The following PTPRD variants were observed in gnomAD, a reference collection of about 807,000 sequenced individuals.
The protein encoded by PTPRD is protein tyrosine phosphatase receptor type D.
Under a neutral mutation model 214.5 loss-of-function variants are expected in PTPRD, and 34 were observed. That is an observed-to-expected ratio of 0.16 (90% CI 0.12 to 0.21). PTPRD has a LOEUF of 0.21. Among genes scored for constraint, PTPRD ranks in the 10% least tolerant of loss-of-function variants. The pLI, the probability that PTPRD is intolerant of heterozygous loss-of-function variation, is 1.00. For synonymous variants in PTPRD, 1,128 were observed against 845.7 expected (o/e 1.33, Z -5.79); for missense variants, 2,545 against 2,398.7 (o/e 1.06, Z -1.27).
At chr9:9,709,948 T>C (rs534208555) in intron 7 of PTPRD, among the ~76,000 whole-genome samples, 1 of 152,084 alleles carries the variant, frequency 6.6e-6, no homozygotes, top group Admixed American at 6.5e-5. Flanking sequence ...TATGTAAATA[T>C]ATACAAAATT....
intron 4 of PTPRD, among the ~76,000 whole-genome samples, chr9:10,012,207 C>T (rs951535803): frequency 6.6e-6 from 1 of 151,476 alleles, no homozygotes; most frequent in Non-Finnish European, 1.5e-5. Context: ...AAAAAAGTAC[C>T]TCATAGAATA....
intron 3 of PTPRD, among the ~76,000 whole-genome samples, chr9:10,113,422 G>A (rs2098707072): frequency 6.6e-6 from 1 of 152,132 alleles, no homozygotes; most frequent in Non-Finnish European, 1.5e-5. Flanking sequence ...ATACAGATGA[G>A]TTGTTAAAAC....
intron 8 of PTPRD, among the ~76,000 whole-genome samples, chr9:9,527,113 T>A (rs2074307082): frequency 6.6e-6 from 1 of 152,176 alleles, no homozygotes. Flanking sequence ...TATATATGGA[T>A]GTGAGTGTCT....
chr9:9,285,858 C>A (rs1261380212), intron 9 of PTPRD, among the ~76,000 whole-genome samples: 1 of 151,728 alleles, frequency 6.6e-6, no homozygotes, highest in Non-Finnish European at 1.5e-5. Flanking sequence ...TCTGAAAGCT[C>A]TATATCTATC....
At chr9:9,007,786 TC>T (rs1286055883) in intron 11 of PTPRD, among the ~76,000 whole-genome samples, 1 of 149,240 alleles carries the variant, frequency 6.7e-6, no homozygotes, top group Non-Finnish European at 1.5e-5. Flanking sequence ...AGCATATCTT[TC>T]AGTTGTTTCT....
intron 7 of PTPRD, among the ~76,000 whole-genome samples, chr9:9,699,954 T>C (rs182063765): frequency 8.2e-4 from 125 of 152,290 alleles, no homozygotes; most frequent in African/African-American, 2.6e-3. Context: ...TATGCATTCC[T>C]CAGAATTATT....
chr9:10,204,269 T>A (rs2099453972), intron 3 of PTPRD, among the ~76,000 whole-genome samples: 2 of 152,212 alleles, frequency 1.3e-5, no homozygotes, highest in African/African-American at 2.4e-5. Flanking sequence ...CTTGCTTCTA[T>A]GTGTTCTGAA....
chr9:8,359,138 A>C (rs984179144), intron 39 of PTPRD, among the ~76,000 whole-genome samples: 2 of 36,030 alleles, frequency 5.6e-5, no homozygotes, highest in Non-Finnish European at 1.4e-4. Flanking sequence ...AAAAAAAAAA[A>C]CAAAAAAAAA....
chr9:8,319,388 G>C (rs1825036217), intron 45 of PTPRD, among the ~76,000 whole-genome samples: 3 of 151,914 alleles, frequency 2.0e-5, no homozygotes, highest in Non-Finnish European at 1.5e-5. Flanking sequence ...AAAATGTTTT[G>C]AATGGCCATT....
chr9:10,081,595 G>A (rs1483518535), intron 3 of PTPRD, among the ~76,000 whole-genome samples: 2 of 151,954 alleles, frequency 1.3e-5, no homozygotes, highest in Non-Finnish European at 2.9e-5. Context: ...ACCATGCTAG[G>A]GCCCTGATCT....
At chr9:10,244,829 C>T (rs1398517517) in intron 3 of PTPRD, among the ~76,000 whole-genome samples, 1 of 151,998 alleles carries the variant, frequency 6.6e-6, no homozygotes, top group Admixed American at 6.6e-5. Context: ...ACTTTTAAAG[C>T]ATGCTGTTTT....
chr9:10,438,274 G>A (rs902254963), intron 2 of PTPRD, among the ~76,000 whole-genome samples: 13 of 151,432 alleles, frequency 8.6e-5, no homozygotes, highest in African/African-American at 3.2e-4. Context: ...CTCATCGTGT[G>A]TCAAGGAGCA....
Position 8,524,912 on chromosome 9 carries a change from A to G in PTPRD, c.679+13T>C, listed in dbSNP as rs1183311045. 5 of 1,609,850 alleles carry G rather than the reference A, an allele frequency of 3.1e-6. No individual in the cohort carries two copies. The highest frequency in any genetic ancestry group is 4.3e-6 in the Non-Finnish European group (5 of 1,176,368). ...TGAATGAAGAAGCGATGCCAGGGTT[A>G]TGTCATTCCTACCTCTGACATATAA... On this transcript the variant is annotated intron_variant, in intron 18 of 45. Coordinates refer to ENST00000381196, the MANE Select transcript of PTPRD (RefSeq NM_002839.4).
At chr9:8,741,520 C>A (rs911338284) in intron 11 of PTPRD, among the ~76,000 whole-genome samples, 4 of 149,834 alleles carry the variant, frequency 2.7e-5, no homozygotes, top group African/African-American at 9.9e-5. Flanking sequence ...CAGCCACTTT[C>A]CACTCAAACA....
chr9:9,036,439 T>A (rs879849754), intron 10 of PTPRD, among the ~76,000 whole-genome samples: 1 of 152,048 alleles, frequency 6.6e-6, no homozygotes, highest in Admixed American at 6.6e-5. Flanking sequence ...ATACATGATA[T>A]TAAATATAAT....
intron 9 of PTPRD, among the ~76,000 whole-genome samples, chr9:9,346,148 G>C (rs2048716617): frequency 6.6e-6 from 1 of 152,090 alleles, no homozygotes; most frequent in Admixed American, 6.6e-5. Flanking sequence ...ATTAAGTGCA[G>C]AATATATCTT....
chr9:9,117,961 T>A (rs2099813936), intron 10 of PTPRD, among the ~76,000 whole-genome samples: 1 of 152,044 alleles, frequency 6.6e-6, no homozygotes, highest in African/African-American at 2.4e-5. Context: ...TTTGGAAAAA[T>A]AAATTTTAAA....
intron 2 of PTPRD, among the ~76,000 whole-genome samples, chr9:10,456,460 T>C (rs1311994689): frequency 6.6e-6 from 1 of 151,940 alleles, no homozygotes; most frequent in African/African-American, 2.4e-5. Flanking sequence ...GTGAGAACTT[T>C]AACTCTAGAG....
chr9:9,718,885 G>A (rs910857229), intron 7 of PTPRD, among the ~76,000 whole-genome samples: 4 of 152,174 alleles, frequency 2.6e-5, no homozygotes, highest in South Asian at 2.1e-4. Flanking sequence ...AAGACAGCCT[G>A]GACACCATGG....
Sources: allele counts gnomAD v4.1 joint callset (sites outside exome capture counted in the v4.1 genomes callset), GRCh38; gene constraint gnomAD v4.1.1; transcripts MANE v1.5; gene names NCBI Gene and HGNC (gene_info 2026-07-23, HGNC 2026-07-21).